Variants in RPS6KC1 observed in about 807,000 individuals in gnomAD.
The protein encoded by RPS6KC1 is inactive ribosomal protein S6 kinase delta-1.
RPS6KC1 carries 54 observed loss-of-function variants against 103.8 expected under a neutral mutation model. The ratio of observed to expected loss-of-function variants is 0.52; its 90% CI spans 0.42 to 0.65. The LOEUF (loss-of-function observed/expected upper bound fraction) is 0.65, where lower values mean the gene tolerates loss of function less well. Among genes scored for constraint, RPS6KC1 ranks in the 30% least tolerant of loss-of-function variants. The probability of loss-of-function intolerance (pLI) is 0.00; values close to 1 mark genes in which losing one functional copy is unlikely to be tolerated. For missense variants in RPS6KC1, 1,151 were observed against 1,253.8 expected (o/e 0.92, Z 1.24); for synonymous variants, 439 against 438.7 (o/e 1.00, Z -0.01).
At chr1:213,413,396 C>T in the RPS6KC1 span, among the ~76,000 whole-genome samples, 1 of 152,194 alleles carries the variant, frequency 6.6e-6, no homozygotes, top group Non-Finnish European at 1.5e-5. Context: ...ATAATAAACA[C>T]ATTATCTCAC....
the RPS6KC1 span, among the ~76,000 whole-genome samples, chr1:213,804,256 A>G: frequency 3.3e-5 from 5 of 151,764 alleles, no homozygotes; most frequent in African/African-American, 1.2e-4. Context: ...ACAATCAGGA[A>G]ACGTGGTTGT....
the RPS6KC1 span, among the ~76,000 whole-genome samples, chr1:213,356,556 T>C: frequency 6.6e-6 from 1 of 152,180 alleles, no homozygotes; most frequent in Non-Finnish European, 1.5e-5. Flanking sequence ...CTTGGGAGGC[T>C]GAGGCAGGAG....
At chr1:213,192,616 T>C (rs1214731971) in intron 8 of RPS6KC1, among the ~76,000 whole-genome samples, 1 of 152,172 alleles carries the variant, frequency 6.6e-6, no homozygotes, top group Non-Finnish European at 1.5e-5. Context: ...TGTATGTCTC[T>C]AGGAGGTTTG....
At chr1:213,835,220 G>A in the RPS6KC1 span, among the ~76,000 whole-genome samples, 2 of 152,192 alleles carry the variant, frequency 1.3e-5, no homozygotes, top group African/African-American at 4.8e-5. Flanking sequence ...GGAATGCTGA[G>A]GAGCCAAAAG....
the RPS6KC1 span, among the ~76,000 whole-genome samples, chr1:213,420,512 C>T: frequency 6.6e-6 from 1 of 152,176 alleles, no homozygotes; most frequent in Non-Finnish European, 1.5e-5. Context: ...AGCAAAGCAT[C>T]ATGGATCTGG....
the RPS6KC1 span, among the ~76,000 whole-genome samples, chr1:213,548,797 A>T: frequency 1.3e-5 from 2 of 152,238 alleles, no homozygotes; most frequent in African/African-American, 4.8e-5. Context: ...GGCTCATGGG[A>T]AATCATTTTA....
chr1:213,185,164 A>G (rs1337270204), intron 8 of RPS6KC1, among the ~76,000 whole-genome samples: 5 of 152,144 alleles, frequency 3.3e-5, no homozygotes, highest in Admixed American at 2.0e-4. Flanking sequence ...TGGTTTTACA[A>G]TCTTAGATTT....
chr1:213,212,125 G>A (rs565822024), intron 8 of RPS6KC1, among the ~76,000 whole-genome samples: 31 of 152,142 alleles, frequency 2.0e-4, no homozygotes, highest in African/African-American at 6.7e-4. Flanking sequence ...ATCATTCTTG[G>A]TGTTGTACAT....
At chr1:213,583,735 C>T in the RPS6KC1 span, among the ~76,000 whole-genome samples, 5 of 145,210 alleles carry the variant, frequency 3.4e-5, no homozygotes, top group African/African-American at 1.3e-4. Flanking sequence ...GGAGGAGAAT[C>T]GCTTGAACCC....
At chr1:213,792,830 CCAA>C in the RPS6KC1 span, among the ~76,000 whole-genome samples, 1 of 151,140 alleles carries the variant, frequency 6.6e-6, no homozygotes, top group Non-Finnish European at 1.5e-5. Context: ...CCCCACCCCA[CCAA>C]CAACCACCCC....
chr1:213,473,976 A>G, the RPS6KC1 span, among the ~76,000 whole-genome samples: 1 of 152,168 alleles, frequency 6.6e-6, no homozygotes, highest in Non-Finnish European at 1.5e-5. Flanking sequence ...GTTTGGAGGC[A>G]GTTGCCCTCC....
intron 8 of RPS6KC1, among the ~76,000 whole-genome samples, chr1:213,213,440 A>G (rs368376020): frequency 2.6e-5 from 4 of 152,154 alleles, no homozygotes; most frequent in Non-Finnish European, 5.9e-5. Flanking sequence ...CCAATACCAC[A>G]CTGTCTTGAT....
chr1:213,324,135 G>C, the RPS6KC1 span, among the ~76,000 whole-genome samples: 2 of 152,152 alleles, frequency 1.3e-5, no homozygotes, highest in African/African-American at 4.8e-5. Flanking sequence ...TTATCTCCAG[G>C]AGCTTGCAAT....
At chr1:213,209,822 T>C (rs926241675) in intron 8 of RPS6KC1, among the ~76,000 whole-genome samples, 26 of 149,990 alleles carry the variant, frequency 1.7e-4, no homozygotes, top group Non-Finnish European at 7.4e-5. Context: ...GAACAAGGGG[T>C]AGGCTATTCG....
At chr1:213,178,940 G>C (rs1387931312) in intron 8 of RPS6KC1, among the ~76,000 whole-genome samples, 1 of 151,862 alleles carries the variant, frequency 6.6e-6, no homozygotes. Flanking sequence ...GGCTGGTTTC[G>C]AACTCCTGAC....
chr1:213,258,352 A>C (rs1176021427), intron 12 of RPS6KC1, among the ~76,000 whole-genome samples: 1 of 152,162 alleles, frequency 6.6e-6, no homozygotes. Flanking sequence ...GATCCTTATA[A>C]TACTAAGAAG....
the RPS6KC1 span, among the ~76,000 whole-genome samples, chr1:213,751,911 A>G: frequency 6.6e-6 from 1 of 152,200 alleles, no homozygotes; most frequent in African/African-American, 2.4e-5. Flanking sequence ...GGTTAAGGTC[A>G]CACCTCAGAC....
chr1:213,171,174 G>A (rs1026275834), intron 7 of RPS6KC1, among the ~76,000 whole-genome samples: 1 of 151,998 alleles, frequency 6.6e-6, no homozygotes, highest in African/African-American at 2.4e-5. Flanking sequence ...AGTCATTCAT[G>A]TTAATATCCT....
chr1:213,561,343 G>T, the RPS6KC1 span, among the ~76,000 whole-genome samples: 1 of 151,140 alleles, frequency 6.6e-6, no homozygotes, highest in Non-Finnish European at 1.5e-5. Context: ...ATTTTTTTTT[G>T]ACCTTCCAAC....
Sources: gnomAD v4.1 joint callset for allele counts (sites outside exome capture counted in the v4.1 genomes callset) on GRCh38, gnomAD v4.1.1 for gene constraint, MANE v1.5 for transcripts, NCBI Gene and HGNC (gene_info 2026-07-23, HGNC 2026-07-21) for gene names.